Variants in RAB7A observed in about 807,000 individuals in gnomAD.
The protein encoded by RAB7A is ras-related protein Rab-7a.
A neutral mutation model predicts 24.5 loss-of-function variants in RAB7A; 2 were observed. The ratio of observed to expected loss-of-function variants is 0.08; its 90% CI spans 0.03 to 0.26. The LOEUF (loss-of-function observed/expected upper bound fraction) is 0.26, where lower values mean the gene tolerates loss of function less well. Among genes scored for constraint, RAB7A ranks in the 10% least tolerant of loss-of-function variants. The probability of loss-of-function intolerance (pLI) is 1.00; values close to 1 mark genes in which losing one functional copy is unlikely to be tolerated. For missense variants in RAB7A, 118 were observed against 255.7 expected (o/e 0.46, Z 3.67); for synonymous variants, 100 against 95.9 (o/e 1.04, Z -0.25).
intron 1 of RAB7A, among the ~76,000 whole-genome samples, chr3:128,793,229 G>T (rs944925262): frequency 6.6e-6 from 1 of 152,106 alleles, no homozygotes; most frequent in Non-Finnish European, 1.5e-5. Context: ...CACCGTGTTA[G>T]CCAGGCTGGT....
chr3:128,780,715 G>A (rs1399194038), intron 1 of RAB7A, among the ~76,000 whole-genome samples: 2 of 152,196 alleles, frequency 1.3e-5, no homozygotes, highest in East Asian at 1.9e-4. Flanking sequence ...GAAAGAGGCT[G>A]TTAGGGCATA....
At chr3:128,760,847 G>A (rs78470926) in intron 1 of RAB7A, among the ~76,000 whole-genome samples, 4 of 152,050 alleles carry the variant, frequency 2.6e-5, no homozygotes, top group East Asian at 3.9e-4. Context: ...TTCCACTGCC[G>A]GTCCCATAGC....
At chr3:128,798,250 C>T (rs1933615614) in intron 3 of RAB7A, 181 bp downstream of exon 3, 3 of 672,928 alleles carry the variant, frequency 4.5e-6, no homozygotes, top group Admixed American at 5.8e-5. Context: ...TTTTAGTATA[C>T]TTCTAGTGTA....
chr3:128,739,873 C>T (rs1457509285), intron 1 of RAB7A, among the ~76,000 whole-genome samples: 2 of 151,996 alleles, frequency 1.3e-5, no homozygotes, highest in South Asian at 2.1e-4. Flanking sequence ...TGAAGACCAG[C>T]GTGACCAACA....
At chr3:128,751,902 C>T (rs1261761597) in intron 1 of RAB7A, among the ~76,000 whole-genome samples, 1 of 152,194 alleles carries the variant, frequency 6.6e-6, no homozygotes, top group African/African-American at 2.4e-5. Context: ...GGGAATAAGT[C>T]TTACGAGATC....
At chr3:128,748,141 G>A (rs1254139680) in intron 1 of RAB7A, among the ~76,000 whole-genome samples, 1 of 152,224 alleles carries the variant, frequency 6.6e-6, no homozygotes, top group Non-Finnish European at 1.5e-5. Flanking sequence ...TTGCCATAGG[G>A]ATGAGGCTCA....
chr3:128,811,122 T>C (rs959047741), intron 5 of RAB7A, among the ~76,000 whole-genome samples: 1 of 151,810 alleles, frequency 6.6e-6, no homozygotes, highest in Non-Finnish European at 1.5e-5. Flanking sequence ...TTCAGTAAGA[T>C]TGATTGATTC....
intron 1 of RAB7A, among the ~76,000 whole-genome samples, chr3:128,733,395 C>T (rs2070457269): frequency 6.6e-6 from 1 of 152,080 alleles, no homozygotes; most frequent in South Asian, 2.1e-4. Flanking sequence ...TTCCATTGCT[C>T]AGTAGTATTA....
intron 1 of RAB7A, among the ~76,000 whole-genome samples, chr3:128,756,381 A>G (rs1185186596): frequency 1.3e-5 from 2 of 152,286 alleles, no homozygotes; most frequent in Admixed American, 6.5e-5. Flanking sequence ...AAAATTAACA[A>G]TGAACAATCT....
intron 1 of RAB7A, among the ~76,000 whole-genome samples, chr3:128,765,512 TG>T (rs2070822077): frequency 1.3e-5 from 2 of 152,224 alleles, no homozygotes; most frequent in South Asian, 4.1e-4. Flanking sequence ...TATCTTAGAC[TG>T]GATAATTTAT....
At chr3:128,774,078 T>TAAAAAAAAAAAA (rs146037243) in intron 1 of RAB7A, among the ~76,000 whole-genome samples, 1 of 111,090 alleles carries the variant, frequency 9.0e-6, no homozygotes. Flanking sequence ...AATGATCAAT[T>TAAAAAAAAAAAA]AAAAAAAAAA....
intron 1 of RAB7A, among the ~76,000 whole-genome samples, chr3:128,733,565 C>A (rs1012660466): frequency 6.6e-6 from 1 of 152,152 alleles, no homozygotes; most frequent in East Asian, 1.9e-4. Context: ...GTCAAGCTGT[C>A]GGGAGGATTA....
At chr3:128,781,520 A>G (rs1933221420) in intron 1 of RAB7A, among the ~76,000 whole-genome samples, 1 of 152,010 alleles carries the variant, frequency 6.6e-6, no homozygotes, top group Non-Finnish European at 1.5e-5. Flanking sequence ...AAATTTTTCA[A>G]AAAAGAAAAG....
At chr3:128,774,868 G>C (rs1369686767) in intron 1 of RAB7A, among the ~76,000 whole-genome samples, 1 of 152,168 alleles carries the variant, frequency 6.6e-6, no homozygotes, top group South Asian at 2.1e-4. Flanking sequence ...CACCGCACCT[G>C]GCCTTGGGTT....
chr3:128,749,885 T>A (rs2070659798), intron 1 of RAB7A, among the ~76,000 whole-genome samples: 1 of 152,200 alleles, frequency 6.6e-6, no homozygotes, highest in African/African-American at 2.4e-5. Flanking sequence ...GAAAAAGGAC[T>A]AATATGGTAA....
intron 1 of RAB7A, among the ~76,000 whole-genome samples, chr3:128,739,939 G>T (rs935875772): frequency 1.3e-5 from 2 of 152,060 alleles, no homozygotes; most frequent in East Asian, 3.9e-4. Context: ...GGTGGCACAT[G>T]CCTGTAATCC....
At chr3:128,751,472 C>T (rs936721172) in intron 1 of RAB7A, among the ~76,000 whole-genome samples, 1 of 152,192 alleles carries the variant, frequency 6.6e-6, no homozygotes, top group Non-Finnish European at 1.5e-5. Flanking sequence ...TTTAAATGCC[C>T]TGCTGGATTT....
At chr3:128,747,403 A>G (rs1216437585) in intron 1 of RAB7A, among the ~76,000 whole-genome samples, 3 of 151,676 alleles carry the variant, frequency 2.0e-5, no homozygotes, top group Non-Finnish European at 2.9e-5. Context: ...CCTGACCAAC[A>G]TGGAGAAACT....
chr3:128,733,519 A>G (rs1005089928), intron 1 of RAB7A, among the ~76,000 whole-genome samples: 10 of 152,138 alleles, frequency 6.6e-5, no homozygotes, highest in African/African-American at 2.4e-4. Flanking sequence ...TTAAACAGAA[A>G]TTTATTTTCT....
Sources: gnomAD v4.1 joint callset for allele counts (sites outside exome capture counted in the v4.1 genomes callset) on GRCh38, gnomAD v4.1.1 for gene constraint, MANE v1.5 for transcripts, NCBI Gene and HGNC (gene_info 2026-07-23, HGNC 2026-07-21) for gene names.